Variants in DGAT2L6 observed in about 807,000 individuals in gnomAD.
DGAT2L6 encodes diacylglycerol O-acyltransferase 2 like 6, also known as diacylglycerol O-acyltransferase 2-like protein 6.
DGAT2L6 carries 22 observed loss-of-function variants against 25.5 expected under a neutral mutation model. The ratio of observed to expected loss-of-function variants is 0.86; its 90% CI spans 0.62 to 1.23. The LOEUF is 1.23. DGAT2L6 is among the 50% of genes most tolerant of loss of function. The pLI, the probability that DGAT2L6 is intolerant of heterozygous loss-of-function variation, is 0.00. For missense variants in DGAT2L6, 287 were observed against 253.2 expected, an observed-to-expected ratio of 1.13 and a Z score of -0.91; for synonymous variants, 100 against 94.7, an observed-to-expected ratio of 1.06 and a Z score of -0.32.
At chrX:70,190,426 C>CAGCA in intron 1 of DGAT2L6, among the ~76,000 whole-genome samples, 1 of 110,964 alleles carries the variant, frequency 9.0e-6, no homozygotes, top group Non-Finnish European at 1.9e-5. Context: ...TAGTAGAGTC[C>CAGCA]AACACCAAGG....
In DGAT2L6 at chrX:70,177,526, T is replaced by TAAG; in HGVS notation, c.-53_-51dup. ...CAAAGCATCTATAATCAACTCAGCT[T>TAAG]AAGAAGTTTTGACCTTCTGGTTAGG... On this transcript the variant is annotated 5_prime_UTR_variant, in exon 1 of 7. Transcript: ENST00000333026. 2.8e-6 allele frequency: 3 copies of TAAG among 1,053,781 alleles called. No homozygotes were observed. Among genetic ancestry groups the TAAG allele is most frequent in the Non-Finnish European group, 4.0e-6 (3 of 757,566 alleles). The allele number at this position is 1,053,781 out of a possible 1,213,427, so 86.8% of individuals were successfully genotyped here.
chrX:70,185,094 C>G, intron 1 of DGAT2L6, among the ~76,000 whole-genome samples: 1 of 111,400 alleles, frequency 9.0e-6, no homozygotes, highest in Non-Finnish European at 1.9e-5. Flanking sequence ...CCTTCAGCAT[C>G]AGGCCTAATC....
At chrX:70,200,802 T>A (rs769517699) in intron 4 of DGAT2L6, among the ~76,000 whole-genome samples, 22 of 111,822 alleles carry the variant, frequency 2.0e-4, no homozygotes, top group African/African-American at 7.2e-4. Flanking sequence ...CAGGTGTGAA[T>A]GGGATAGCTC....
intron 1 of DGAT2L6, among the ~76,000 whole-genome samples, chrX:70,185,961 G>C (rs1414445471): frequency 1.9e-5 from 2 of 106,412 alleles, no homozygotes; most frequent in Non-Finnish European, 3.9e-5. Flanking sequence ...TTAGGTCATT[G>C]CCCCGAAACA....
chrX:70,199,938 T>A (rs1433492746), intron 3 of DGAT2L6, 56 bp downstream of exon 3: 1 of 1,089,456 alleles, frequency 9.2e-7, no homozygotes, highest in East Asian at 3.0e-5. Flanking sequence ...CCTTGCTCCC[T>A]ACTCAGCTCC....
chrX:70,181,768 C>T (rs2085343907), intron 1 of DGAT2L6, among the ~76,000 whole-genome samples: 2 of 111,343 alleles, frequency 1.8e-5, no homozygotes, highest in Admixed American at 9.5e-5. Context: ...ATTAGGGTAT[C>T]GGAATAAGAA....
rs1053371691 is a variant in DGAT2L6 at position 70,202,145 on chromosome X, G to A, written c.647+81G>A. ...CCTCTCCAGAATGGTGCCCTCCCTG[G>A]GCACCTGTTAGAGGGCCCCCATCTT... On this transcript the variant is annotated intron_variant, in intron 5 of 6. Coordinates refer to ENST00000333026, the MANE Select transcript of DGAT2L6 (RefSeq NM_198512.3). The A allele has an allele frequency of 7.6e-6, 7 of 921,647 alleles. No homozygotes were observed. The African/African-American group carries it at 1.2e-4, about 16-fold the overall frequency. The allele number at this position is 921,647 out of a possible 1,213,427, so 76.0% of individuals were successfully genotyped here.
intron 5 of DGAT2L6, among the ~76,000 whole-genome samples, chrX:70,202,967 T>C (rs2085416019): frequency 9.0e-6 from 1 of 111,659 alleles, no homozygotes; most frequent in Non-Finnish European, 1.9e-5. Flanking sequence ...ATCATAGCTA[T>C]ACCGGCCTCT....
At chrX:70,180,797 C>T (rs1004423776) in intron 1 of DGAT2L6, among the ~76,000 whole-genome samples, 7 of 112,015 alleles carry the variant, frequency 6.2e-5, no homozygotes, top group African/African-American at 2.3e-4. Context: ...ATTATTATTC[C>T]AGTGTTTGTC....
intron 1 of DGAT2L6, among the ~76,000 whole-genome samples, chrX:70,179,456 A>G (rs968433566): frequency 9.3e-6 from 1 of 108,072 alleles, no homozygotes; most frequent in African/African-American, 3.4e-5. Context: ...GTGGGCAGAG[A>G]TGGGGCAGAG....
At chrX:70,199,132 G>A (rs1338436414) in intron 1 of DGAT2L6, 139 bp from the exon 2 acceptor site, 1 of 420,200 alleles carries the variant, frequency 2.4e-6, no homozygotes, top group Non-Finnish European at 4.1e-6. Flanking sequence ...GCGAGGGGTT[G>A]GGGAAGAGGG....
At chrX:70,199,949 A>C in intron 3 of DGAT2L6, 67 bp downstream of exon 3, 16 of 1,055,123 alleles carry the variant, frequency 1.5e-5, no homozygotes, top group South Asian at 2.1e-5. Context: ...ACTCAGCTCC[A>C]TGTTTTCAGA....
At chrX:70,202,099 G>C in intron 5 of DGAT2L6, 35 bp downstream of exon 5, 1 of 1,124,101 alleles carries the variant, frequency 8.9e-7, no homozygotes, top group Non-Finnish European at 1.2e-6. Flanking sequence ...TGTTGTCAGG[G>C]TGCCATAGGC....
intron 1 of DGAT2L6, among the ~76,000 whole-genome samples, chrX:70,183,788 T>C (rs1469554809): frequency 9.0e-6 from 1 of 110,512 alleles, no homozygotes; most frequent in East Asian, 2.8e-4. Flanking sequence ...CCAAATATTT[T>C]TGGAGGCCGA....
intron 1 of DGAT2L6, among the ~76,000 whole-genome samples, chrX:70,179,312 T>C (rs1361204663): frequency 2.7e-5 from 3 of 111,563 alleles, no homozygotes; most frequent in Non-Finnish European, 5.6e-5. Flanking sequence ...TCCTTTGCAT[T>C]TCCCCTAACT....
intron 1 of DGAT2L6, among the ~76,000 whole-genome samples, chrX:70,183,001 C>G: frequency 9.1e-6 from 1 of 109,963 alleles, no homozygotes; most frequent in African/African-American, 3.3e-5. Context: ...CCACGTTGGC[C>G]AGGCTGGTCT....
chrX:70,196,486 C>CAAAAAAAAAAAAAAA (rs751597708), intron 1 of DGAT2L6, among the ~76,000 whole-genome samples: 1 of 26,113 alleles, frequency 3.8e-5, no homozygotes, highest in Non-Finnish European at 7.0e-5. Flanking sequence ...GATCCTGTCT[C>CAAAAAAAAAAAAAAA]AAAAAAAAAA....
At chrX:70,193,153 G>T (rs1602691316) in intron 1 of DGAT2L6, among the ~76,000 whole-genome samples, 1 of 110,246 alleles carries the variant, frequency 9.1e-6, no homozygotes, top group Non-Finnish European at 1.9e-5. Flanking sequence ...TGGCCAACAT[G>T]CTGAAAATAC....
At chrX:70,204,800 A>G in intron 6 of DGAT2L6, 152 bp from the exon 7 acceptor site, 2 of 703,659 alleles carry the variant, frequency 2.8e-6, no homozygotes, top group Non-Finnish European at 4.1e-6. Flanking sequence ...TGATCAGAGA[A>G]CAGGGGCCAG....
Sources: gnomAD v4.1 joint callset for allele counts (sites outside exome capture counted in the v4.1 genomes callset) on GRCh38, gnomAD v4.1.1 for gene constraint, MANE v1.5 for transcripts, NCBI Gene and HGNC (gene_info 2026-07-23, HGNC 2026-07-21) for gene names.